Variants in SLCO1B1 observed in about 807,000 individuals in gnomAD.
The protein encoded by SLCO1B1 is OATP-2.
SLCO1B1 carries 81 observed loss-of-function variants against 70.1 expected under a neutral mutation model. The ratio of observed to expected loss-of-function variants is 1.16; its 90% confidence interval spans 0.97 to 1.39. SLCO1B1 has a LOEUF of 1.39. SLCO1B1 is among the 40% of genes most tolerant of loss of function. SLCO1B1 has a pLI of 0.00. For missense variants in SLCO1B1, 895 were observed against 799.6 expected, an observed-to-expected ratio of 1.12 and a Z score of -1.44; for synonymous variants, 283 against 271.5, an observed-to-expected ratio of 1.04 and a Z score of -0.42.
chr12:21,198,997 A>C (rs879488220), intron 8 of SLCO1B1, among the ~76,000 whole-genome samples: 4 of 152,102 alleles, frequency 2.6e-5, no homozygotes, highest in Non-Finnish European at 4.4e-5. Flanking sequence ...GTTTTTCATG[A>C]CTGGGGAGAC....
chr12:21,192,803 T>C (rs1299553071), intron 7 of SLCO1B1, among the ~76,000 whole-genome samples: 1 of 152,074 alleles, frequency 6.6e-6, no homozygotes, highest in Non-Finnish European at 1.5e-5. Flanking sequence ...CTATGTTTTT[T>C]GGATATGGAA....
chr12:21,174,163 ATTCTTTTTCAAGTAACT>A (rs771853176), intron 3 of SLCO1B1, among the ~76,000 whole-genome samples: 1 of 152,116 alleles, frequency 6.6e-6, no homozygotes, highest in Non-Finnish European at 1.5e-5. Context: ...GCCATGGTTT[ATTCTTTTTCAAGTAACT>A]TTCTTATTTC....
chr12:21,194,436 TG>T (rs368954344), intron 7 of SLCO1B1, among the ~76,000 whole-genome samples: 15 of 151,948 alleles, frequency 9.9e-5, no homozygotes, highest in East Asian at 1.9e-4. Context: ...TTTGTTTTTT[TG>T]GGGGGGTTGT....
chr12:21,201,658 C>T (rs1941159459), intron 9 of SLCO1B1, among the ~76,000 whole-genome samples: 1 of 152,084 alleles, frequency 6.6e-6, no homozygotes, highest in South Asian at 2.1e-4. Flanking sequence ...AGGCAAAAGG[C>T]TTTAGATGAA....
chr12:21,165,305 A>G lies in SLCO1B1; in HGVS notation c.85-7345A>G, dbSNP rs138661708. Among the ~76,000 whole-genome samples the G allele has an allele frequency of 9.2e-5, 14 of 152,282 alleles. No homozygotes were observed. The East Asian group carries it at 2.7e-3, about 29-fold the overall frequency. ...GTTTTTATTTAAATAAATTTAGAACATATAGCTGGAGACGGTAGCTCAAAC... is the reference window on the plus strand; with the variant it reads ...GTTTTTATTTAAATAAATTTAGAACGTATAGCTGGAGACGGTAGCTCAAAC... On this transcript the variant is annotated intron_variant, in intron 2 of 14. Coordinates refer to ENST00000256958, the MANE Select transcript of SLCO1B1 (RefSeq NM_006446.5).
At chr12:21,154,917 A>G (rs949174401) in intron 2 of SLCO1B1, among the ~76,000 whole-genome samples, 2 of 151,992 alleles carry the variant, frequency 1.3e-5, no homozygotes, top group African/African-American at 2.4e-5. Context: ...CTTAAAAAAT[A>G]TATTTCTTTG....
At chr12:21,187,529 AG>A (rs1245286101) in intron 7 of SLCO1B1, among the ~76,000 whole-genome samples, 1 of 152,090 alleles carries the variant, frequency 6.6e-6, no homozygotes, top group Non-Finnish European at 1.5e-5. Flanking sequence ...TAGATCATGG[AG>A]TCATAAGAAA....
intron 2 of SLCO1B1, among the ~76,000 whole-genome samples, chr12:21,166,655 G>A (rs1940690509): frequency 1.3e-5 from 2 of 152,156 alleles, no homozygotes; most frequent in Non-Finnish European, 2.9e-5. Context: ...GCAAGAATGT[G>A]GAGCGACAAG....
intron 4 of SLCO1B1, among the ~76,000 whole-genome samples, chr12:21,174,972 G>A (rs71581981): frequency 0.012 from 1,902 of 152,170 alleles, 19 homozygotes; most frequent in Non-Finnish European, 0.02. Context: ...TTAGTATAAC[G>A]TATATACTGT....
At chr12:21,185,014 G>C (rs763251463) in intron 7 of SLCO1B1, among the ~76,000 whole-genome samples, 11 of 152,100 alleles carry the variant, frequency 7.2e-5, no homozygotes, top group Non-Finnish European at 1.3e-4. Flanking sequence ...GAAGGACAAA[G>C]AAGGGTATTA....
intron 11 of SLCO1B1, among the ~76,000 whole-genome samples, chr12:21,213,390 G>T (rs927552395): frequency 6.6e-6 from 1 of 151,612 alleles, no homozygotes; most frequent in African/African-American, 2.4e-5. Context: ...TTGAATATTG[G>T]CCCCCACTCT....
chr12:21,222,427 T>TATATATATATATATAC (rs1241541102), intron 13 of SLCO1B1, 63 bp downstream of exon 13: 10 of 101,058 alleles, frequency 9.9e-5, no homozygotes, highest in East Asian at 2.5e-4. Flanking sequence ...TATATATATA[T>TATATATATATATATAC]ACACACACAC....
intron 11 of SLCO1B1, among the ~76,000 whole-genome samples, chr12:21,215,036 C>T (rs1028731097): frequency 1.3e-5 from 2 of 152,152 alleles, no homozygotes; most frequent in African/African-American, 2.4e-5. Flanking sequence ...GCGTCGCTCA[C>T]GCTGGGAGCT....
chr12:21,221,516 C>T (rs752548396), intron 12 of SLCO1B1, among the ~76,000 whole-genome samples: 7 of 151,950 alleles, frequency 4.6e-5, no homozygotes, highest in Non-Finnish European at 1.0e-4. Context: ...ACAAACAATA[C>T]ATCTGACAAA....
chr12:21,205,129 C>T (rs1271909764), intron 10 of SLCO1B1, among the ~76,000 whole-genome samples: 1 of 151,596 alleles, frequency 6.6e-6, no homozygotes, highest in African/African-American at 2.4e-5. Context: ...CACATCAATC[C>T]TCAATTATTA....
In SLCO1B1 at chr12:21,192,122, T is replaced by G. The variant is rs1591815341; in HGVS notation, c.728-4824T>G. On this transcript the variant is annotated intron_variant, in intron 7 of 14. Transcript: ENST00000256958. ...CTTTGGTATCAGAATAATGCTGGCCTTATAAAATTAGTTTGAAGATGTTCT... is the reference window on the plus strand; with the variant it reads ...CTTTGGTATCAGAATAATGCTGGCCGTATAAAATTAGTTTGAAGATGTTCT... Among the ~76,000 whole-genome samples, 3 of 152,018 alleles carry G rather than the reference T, an allele frequency of 2.0e-5. No individual in the cohort carries two copies. In the East Asian group the frequency reaches 5.8e-4, roughly 29 times the overall value.
chr12:21,189,726 G>T (rs1941006981), intron 7 of SLCO1B1, among the ~76,000 whole-genome samples: 1 of 152,046 alleles, frequency 6.6e-6, no homozygotes. Flanking sequence ...GGGATTACAG[G>T]TTATCAGCCA....
chr12:21,157,898 C>T (rs1302611234), intron 2 of SLCO1B1, among the ~76,000 whole-genome samples: 1 of 152,054 alleles, frequency 6.6e-6, no homozygotes, highest in East Asian at 1.9e-4. Context: ...CCGTGCCCGG[C>T]CAAGACTGTA....
At chr12:21,137,430 A>G (rs1002607214) in intron 1 of SLCO1B1, among the ~76,000 whole-genome samples, 1 of 152,260 alleles carries the variant, frequency 6.6e-6, no homozygotes, top group Non-Finnish European at 1.5e-5. Flanking sequence ...GCCCCCAGAG[A>G]TGGAGCCTAC....
Sources: allele counts gnomAD v4.1 joint callset (sites outside exome capture counted in the v4.1 genomes callset), GRCh38; gene constraint gnomAD v4.1.1; transcripts MANE v1.5; gene names NCBI Gene and HGNC (gene_info 2026-07-23, HGNC 2026-07-21).